The following SYT17 variants were observed in gnomAD, a reference collection of about 807,000 sequenced individuals.
SYT17 encodes the protein synaptotagmin 17, also known as synaptotagmin-17.
A neutral mutation model predicts 46.7 loss-of-function variants in SYT17; 22 were observed. The ratio of observed to expected loss-of-function variants is 0.47; its 90% CI spans 0.34 to 0.67. The LOEUF (loss-of-function observed/expected upper bound fraction) is 0.67, where lower values mean the gene tolerates loss of function less well. SYT17 is among the 30% of genes least tolerant of loss of function. SYT17 has a pLI of 0.01. For synonymous variants in SYT17, 251 were observed against 248.4 expected (o/e 1.01, Z -0.10); for missense variants, 519 against 612.8 (o/e 0.85, Z 1.62).
At chr16:19,248,305 G>A (rs1003491399) in intron 7 of SYT17, among the ~76,000 whole-genome samples, 1 of 152,150 alleles carries the variant, frequency 6.6e-6, no homozygotes, top group Non-Finnish European at 1.5e-5. Flanking sequence ...TTTGGAAACA[G>A]TTATGAATGG....
In SYT17 at chr16:19,248,931, G is replaced by A. The variant is rs532828334; in HGVS notation, c.1229-17949G>A. On this transcript the variant is annotated intron_variant, in intron 7 of 7. Transcript: ENST00000355377. ...AACATTACGCTAAGTGAATGCAAAT[G>A]ACTATATACTGTGTGACTCCATTTA... 9.9e-5 allele frequency among the ~76,000 whole-genome samples: 15 copies of A among 152,248 alleles called. No homozygotes were observed. The South Asian group carries it at 2.7e-3, about 27-fold the overall frequency.
intron 5 of SYT17, among the ~76,000 whole-genome samples, chr16:19,197,438 GTTTGTTTGTTATTA>G (rs1373053404): frequency 6.8e-6 from 1 of 147,258 alleles, no homozygotes. Flanking sequence ...TTGTTTGTTT[GTTTGTTTGTTATTA>G]TTATTATTTT....
intron 5 of SYT17, among the ~76,000 whole-genome samples, chr16:19,217,297 T>C (rs896571016): frequency 6.6e-6 from 1 of 152,154 alleles, no homozygotes; most frequent in African/African-American, 2.4e-5. Context: ...AATTATGGAA[T>C]TCCATAATTG....
intron 1 of SYT17, among the ~76,000 whole-genome samples, chr16:19,169,377 G>A (rs1963996435): frequency 6.6e-6 from 1 of 152,218 alleles, no homozygotes; most frequent in Non-Finnish European, 1.5e-5. Flanking sequence ...TTTCTCCTCT[G>A]CAAGAAGGGA....
intron 5 of SYT17, among the ~76,000 whole-genome samples, chr16:19,200,496 A>G (rs1259374794): frequency 1.3e-5 from 2 of 152,212 alleles, no homozygotes; most frequent in African/African-American, 4.8e-5. Context: ...AATTTGCACT[A>G]GCCCTATTCA....
At chr16:19,253,944 G>T (rs1968375310) in intron 7 of SYT17, among the ~76,000 whole-genome samples, 3 of 152,304 alleles carry the variant, frequency 2.0e-5, no homozygotes, top group East Asian at 1.9e-4. Context: ...GACCAGGCTG[G>T]TCTCAAACTC....
chr16:19,257,678 A>G (rs1459546863), intron 7 of SYT17, among the ~76,000 whole-genome samples: 4 of 152,216 alleles, frequency 2.6e-5, no homozygotes, highest in Non-Finnish European at 5.9e-5. Context: ...AGGACTATGA[A>G]ACAGCCCAGG....
chr16:19,194,622 G>T (rs558984030), intron 5 of SYT17, among the ~76,000 whole-genome samples: 1 of 152,292 alleles, frequency 6.6e-6, no homozygotes, highest in Non-Finnish European at 1.5e-5. Context: ...TAGAGACAGG[G>T]TCTCACGCTG....
chr16:19,255,683 C>G (rs1968510879), intron 7 of SYT17, among the ~76,000 whole-genome samples: 2 of 152,094 alleles, frequency 1.3e-5, no homozygotes, highest in Non-Finnish European at 2.9e-5. Flanking sequence ...TACTCAGGAA[C>G]CTGAGCCAGG....
chr16:19,191,187 A>C (rs1193548749), intron 5 of SYT17, among the ~76,000 whole-genome samples: 4 of 151,942 alleles, frequency 2.6e-5, no homozygotes, highest in South Asian at 2.1e-4. Context: ...AAAAAAAAAA[A>C]CCCACCATAA....
intron 5 of SYT17, among the ~76,000 whole-genome samples, chr16:19,210,681 G>T (rs1317779197): frequency 6.6e-6 from 1 of 152,090 alleles, no homozygotes; most frequent in Non-Finnish European, 1.5e-5. Flanking sequence ...CTGGCATTGC[G>T]GTTGGAGTTT....
chr16:19,173,477 C>G lies in SYT17; in HGVS notation c.81C>G (p.Cys27Trp). Residue 27 changes from cysteine (C) to tryptophan (W), a missense_variant, in exon 3 of 8, where the codon TGC (cysteine) becomes TGG (tryptophan). Coordinates refer to ENST00000355377, the MANE Select transcript of SYT17 (RefSeq NM_016524.4). Reference protein sequence around the residue: ...ISGLLLCRWTCRHCCQKCYES... With the variant: ...ISGLLLCRWTWRHCCQKCYES... ...GTCTGCTGCTGTGCAGATGGACCTG[C>G]CGGCACTGCTGTCAGAAGTGCTACG... 1 of 1,610,500 alleles carries G rather than the reference C, an allele frequency of 6.2e-7. No individual in the cohort carries two copies. Among genetic ancestry groups the G allele is most frequent in the Non-Finnish European group, 8.5e-7 (1 of 1,178,550 alleles).
chr16:19,190,422 A>G (rs1484115509), intron 5 of SYT17, among the ~76,000 whole-genome samples: 5 of 152,214 alleles, frequency 3.3e-5, no homozygotes, highest in Non-Finnish European at 7.3e-5. Context: ...TACACACACC[A>G]TGAAATTTAC....
chr16:19,235,304 G>A (rs1966838865), intron 7 of SYT17, among the ~76,000 whole-genome samples: 1 of 152,112 alleles, frequency 6.6e-6, no homozygotes, highest in Admixed American at 6.5e-5. Flanking sequence ...AAACTATAGG[G>A]TGGCTCACCA....
At chr16:19,245,938 T>C (rs952670381) in intron 7 of SYT17, among the ~76,000 whole-genome samples, 1 of 152,216 alleles carries the variant, frequency 6.6e-6, no homozygotes, top group Non-Finnish European at 1.5e-5. Flanking sequence ...TGTATATATG[T>C]GCATATATAT....
chr16:19,228,928 A>T (rs1382189638), intron 7 of SYT17, among the ~76,000 whole-genome samples: 1 of 152,232 alleles, frequency 6.6e-6, no homozygotes, highest in Non-Finnish European at 1.5e-5. Flanking sequence ...AAAGCCTGTA[A>T]TTAGCTGGTA....
At chr16:19,240,863 C>T (rs1329693256) in intron 7 of SYT17, among the ~76,000 whole-genome samples, 1 of 152,078 alleles carries the variant, frequency 6.6e-6, no homozygotes, top group African/African-American at 2.4e-5. Flanking sequence ...GGGGCCGAGG[C>T]ATCAGGGGGC....
intron 3 of SYT17, among the ~76,000 whole-genome samples, chr16:19,176,682 C>T (rs570431175): frequency 6.6e-6 from 1 of 152,128 alleles, no homozygotes; most frequent in African/African-American, 2.4e-5. Context: ...GAGAGGTGGG[C>T]AGACATCACC....
At chr16:19,259,939 A>G (rs371243861) in intron 7 of SYT17, among the ~76,000 whole-genome samples, 1 of 152,148 alleles carries the variant, frequency 6.6e-6, no homozygotes, top group African/African-American at 2.4e-5. Flanking sequence ...TAAGACATCA[A>G]TCCATACATG....
Sources: allele counts gnomAD v4.1 joint callset (sites outside exome capture counted in the v4.1 genomes callset), GRCh38; gene constraint gnomAD v4.1.1; transcripts MANE v1.5; gene names NCBI Gene and HGNC (gene_info 2026-07-23, HGNC 2026-07-21).